Variants in AGBL4 observed in about 807,000 individuals in gnomAD.
AGBL4 encodes the protein AGBL carboxypeptidase 4, also known as cytosolic carboxypeptidase 6.
A neutral mutation model predicts 66.4 loss-of-function variants in AGBL4; 58 were observed. That is an observed-to-expected ratio of 0.87 (90% CI 0.71 to 1.09). The LOEUF (loss-of-function observed/expected upper bound fraction) is 1.09, where lower values mean the gene tolerates loss of function less well. Among genes scored for constraint, AGBL4 ranks in the 50% least tolerant of loss-of-function variants. The pLI, the probability that AGBL4 is intolerant of heterozygous loss-of-function variation, is 0.00. For missense variants in AGBL4, 579 were observed against 631.0 expected (o/e 0.92, Z 0.88); for synonymous variants, 234 against 222.9 (o/e 1.05, Z -0.44).
At position 49,743,600 on chromosome 1, in the gene AGBL4, G is replaced by A. The variant is rs370690785; in HGVS notation, c.158-46163C>T. Among the ~76,000 whole-genome samples the A allele has an allele frequency of 5.5e-4, 84 of 152,044 alleles. 1 individual carries two copies. In the South Asian group the frequency reaches 0.01, roughly 18 times the overall value. ...ATCATGCCGCTATAAAGACACATGC[G>A]CACGTATGTTTATTGTGGCACTATT... is the stretch of plus-strand genomic sequence containing the variant. On this transcript the variant is annotated intron_variant, in intron 2 of 13. Coordinates refer to ENST00000371839, the MANE Select transcript of AGBL4 (RefSeq NM_032785.4).
intron 3 of AGBL4, among the ~76,000 whole-genome samples, chr1:49,669,603 G>A (rs1646437305): frequency 6.6e-6 from 1 of 152,084 alleles, no homozygotes; most frequent in African/African-American, 2.4e-5. Flanking sequence ...ATGGCATCTT[G>A]CAGAATCTAA....
intron 6 of AGBL4, among the ~76,000 whole-genome samples, chr1:48,785,908 GACC>G (rs1165865102): frequency 6.6e-6 from 1 of 152,018 alleles, no homozygotes; most frequent in Non-Finnish European, 1.5e-5. Flanking sequence ...TTCCTTCAGA[GACC>G]ACATTAGTTC....
chr1:49,532,723 A>G (rs1338135393), intron 3 of AGBL4, among the ~76,000 whole-genome samples: 1 of 152,114 alleles, frequency 6.6e-6, no homozygotes, highest in African/African-American at 2.4e-5. Flanking sequence ...ATTGTCCTGG[A>G]AGCTTTAAGT....
rs746110836 is a variant in AGBL4, at chr1:49,963,444, A to G, written c.34+60319T>C. On this transcript the variant is annotated intron_variant, in intron 1 of 13. Transcript: ENST00000371839. ...TCTTTTTCTGTGCCTCAATATTAAC[A>G]TGATGCTAAGGCAATTATTTGAACT... Among the ~76,000 whole-genome samples the G allele has an allele frequency of 1.2e-3, 176 of 152,290 alleles. 4 individuals carry two copies. The highest frequency in any genetic ancestry group is 5.1e-4 in the Non-Finnish European group (35 of 68,012).
intron 4 of AGBL4, among the ~76,000 whole-genome samples, chr1:49,106,917 T>C (rs1435625136): frequency 6.6e-6 from 1 of 152,168 alleles, no homozygotes; most frequent in East Asian, 1.9e-4. Context: ...CACTACTTTT[T>C]CTTGAAAAGG....
At position 49,915,950 on chromosome 1, in the gene AGBL4, C is replaced by T. The variant is rs375451397; in HGVS notation, c.35-64432G>A. ...GCAATATTCACTGTTCTACAGCCTC[C>T]GCTGCTGATACCCAGGCAAACAGGG... On this transcript the variant is annotated intron_variant, in intron 1 of 13. Transcript: ENST00000371839. Among the ~76,000 whole-genome samples, 62 of 152,284 alleles carry T rather than the reference C, an allele frequency of 4.1e-4. 1 individual carries two copies. The South Asian group carries it at 9.7e-3, about 24-fold the overall frequency.
chr1:49,651,085 G>T (rs1645995205), intron 3 of AGBL4, among the ~76,000 whole-genome samples: 1 of 152,152 alleles, frequency 6.6e-6, no homozygotes. Context: ...GGGGGAAGAG[G>T]ATCTGCCCTG....
chr1:48,552,904 C>T (rs1228923479), intron 11 of AGBL4, among the ~76,000 whole-genome samples: 3 of 151,798 alleles, frequency 2.0e-5, no homozygotes, highest in Non-Finnish European at 4.4e-5. Flanking sequence ...TATCTAATCA[C>T]CCTCCTCATT....
At chr1:48,622,194 C>T (rs532744237) in intron 9 of AGBL4, among the ~76,000 whole-genome samples, 1 of 152,266 alleles carries the variant, frequency 6.6e-6, no homozygotes, top group East Asian at 1.9e-4. Context: ...CCTGTGTCCT[C>T]ACATATGCTG....
intron 6 of AGBL4, among the ~76,000 whole-genome samples, chr1:48,700,480 G>A (rs562205899): frequency 2.6e-5 from 4 of 152,354 alleles, no homozygotes; most frequent in African/African-American, 9.6e-5. Context: ...CTTCACTTAA[G>A]AGGAAATTAG....
At chr1:48,569,372 T>A (rs1274162321) in intron 11 of AGBL4, among the ~76,000 whole-genome samples, 1 of 152,182 alleles carries the variant, frequency 6.6e-6, no homozygotes, top group Non-Finnish European at 1.5e-5. Flanking sequence ...TGTTTTGTGT[T>A]TTTCACTCTC....
intron 4 of AGBL4, among the ~76,000 whole-genome samples, chr1:49,130,646 G>A (rs1245172117): frequency 6.6e-6 from 1 of 151,918 alleles, no homozygotes; most frequent in East Asian, 1.9e-4. Flanking sequence ...TTATTTCTGA[G>A]GGCTCTGTTC....
chr1:49,611,188 G>C (rs1201299599), intron 3 of AGBL4, among the ~76,000 whole-genome samples: 1 of 152,038 alleles, frequency 6.6e-6, no homozygotes, highest in Non-Finnish European at 1.5e-5. Flanking sequence ...TCTCCTCCTA[G>C]TGCCTCTCAT....
chr1:49,192,820 A>G (rs1430111181), intron 4 of AGBL4, among the ~76,000 whole-genome samples: 1 of 152,204 alleles, frequency 6.6e-6, no homozygotes, highest in Non-Finnish European at 1.5e-5. Context: ...TGCAACAATG[A>G]TAAGTTGGTG....
chr1:49,313,136 C>T (rs537495593), intron 3 of AGBL4, among the ~76,000 whole-genome samples: 3 of 151,836 alleles, frequency 2.0e-5, no homozygotes, highest in South Asian at 4.2e-4. Flanking sequence ...TTGGTTTTCT[C>T]TTCTTGTTTT....
intron 2 of AGBL4, chr1:49,842,150 C>T (rs1337027161): frequency 7.7e-6 from 3 of 391,538 alleles, no homozygotes; most frequent in Non-Finnish European, 9.7e-6. Context: ...AAGGACCACC[C>T]ACACTGCATT....
chr1:49,413,020 A>T (rs914286923), intron 3 of AGBL4, among the ~76,000 whole-genome samples: 2 of 152,200 alleles, frequency 1.3e-5, no homozygotes, highest in Non-Finnish European at 2.9e-5. Flanking sequence ...CAATTCTAAT[A>T]GAATGGTGGA....
intron 2 of AGBL4, among the ~76,000 whole-genome samples, chr1:49,792,438 T>C (rs1473048281): frequency 2.0e-5 from 3 of 152,018 alleles, no homozygotes; most frequent in Non-Finnish European, 4.4e-5. Flanking sequence ...CAGAAGTATA[T>C]ATAAACTTTG....
chr1:49,587,327 A>AAAAAG (rs1411479523), intron 3 of AGBL4, among the ~76,000 whole-genome samples: 3 of 152,010 alleles, frequency 2.0e-5, no homozygotes, highest in Admixed American at 6.6e-5. Context: ...AGAGAAAAGA[A>AAAAAG]AAAAGAAAAG....
Sources: allele counts gnomAD v4.1 joint callset (sites outside exome capture counted in the v4.1 genomes callset), GRCh38; gene constraint gnomAD v4.1.1; transcripts MANE v1.5; gene names NCBI Gene and HGNC (gene_info 2026-07-23, HGNC 2026-07-21).